TUBGCP3: variants seen among roughly 807,000 people sequenced by gnomAD.
TUBGCP3 encodes the protein tubulin gamma complex component 3, also known as gamma-tubulin complex component 3.
A neutral mutation model predicts 123.1 loss-of-function variants in TUBGCP3; 50 were observed. That is an observed-to-expected ratio of 0.41 (90% CI 0.32 to 0.51). TUBGCP3 has a LOEUF of 0.51. Among genes scored for constraint, TUBGCP3 ranks in the 20% least tolerant of loss-of-function variants. The pLI, the probability that TUBGCP3 is intolerant of heterozygous loss-of-function variation, is 0.36. For missense variants in TUBGCP3, 882 were observed against 1,127.0 expected, an observed-to-expected ratio of 0.78 and a Z score of 3.11; for synonymous variants, 405 against 413.9, an observed-to-expected ratio of 0.98 and a Z score of 0.26.
chr13:112,503,040 T>C (rs148339723), intron 19 of TUBGCP3, among the ~76,000 whole-genome samples: 1 of 152,112 alleles, frequency 6.6e-6, no homozygotes, highest in East Asian at 1.9e-4. Flanking sequence ...AAAATTTAGA[T>C]GAAGTAAAGG....
intron 1 of TUBGCP3, among the ~76,000 whole-genome samples, chr13:112,579,991 C>A (rs926785692): frequency 1.3e-5 from 2 of 152,212 alleles, no homozygotes; most frequent in African/African-American, 4.8e-5. Flanking sequence ...GAACACTACT[C>A]TGCAATGAAA....
At chr13:112,599,124 G>C in the TUBGCP3 span, among the ~76,000 whole-genome samples, 1 of 152,160 alleles carries the variant, frequency 6.6e-6, no homozygotes, top group African/African-American at 2.4e-5. Flanking sequence ...CAGAGGTAAA[G>C]TACAGTTCTG....
At chr13:112,556,736 T>C (rs1880080320) in intron 5 of TUBGCP3, among the ~76,000 whole-genome samples, 2 of 152,328 alleles carry the variant, frequency 1.3e-5, no homozygotes, top group South Asian at 2.1e-4. Flanking sequence ...CAATTTTCAA[T>C]TAACTGCTAA....
chr13:112,586,005 C>T (rs1018730363), intron 1 of TUBGCP3, among the ~76,000 whole-genome samples: 1 of 151,732 alleles, frequency 6.6e-6, no homozygotes, highest in Non-Finnish European at 1.5e-5. Context: ...TTCGGGAGGC[C>T]GAGGCGGGTG....
intron 1 of TUBGCP3, among the ~76,000 whole-genome samples, chr13:112,569,639 C>A (rs1566586442): frequency 1.3e-5 from 2 of 152,172 alleles, no homozygotes; most frequent in Admixed American, 6.5e-5. Context: ...AAGCCAGAAG[C>A]AGGTCACTCA....
chr13:112,527,315 T>C, intron 12 of TUBGCP3, 59 bp downstream of exon 12: 1 of 1,279,296 alleles, frequency 7.8e-7, no homozygotes, highest in Non-Finnish European at 1.1e-6. Context: ...TTTTGTCACA[T>C]AATCTAAGTA....
At chr13:112,561,536 A>T (rs749561284) in intron 3 of TUBGCP3, among the ~76,000 whole-genome samples, 19 of 152,186 alleles carry the variant, frequency 1.2e-4, no homozygotes, top group Admixed American at 3.3e-4. Context: ...AGTCAAGATG[A>T]CACTCAGGTT....
chr13:112,603,481 T>A, the TUBGCP3 span: 1 of 152,216 alleles, frequency 6.6e-6, no homozygotes, highest in Non-Finnish European at 1.5e-5. Context: ...TCCCAGTGCT[T>A]TGGGAGACTG....
upstream of TUBGCP3, among the ~76,000 whole-genome samples, chr13:112,589,642 C>T (rs1040922733): frequency 6.6e-6 from 1 of 152,146 alleles, no homozygotes; most frequent in African/African-American, 2.4e-5. Flanking sequence ...TTCTAGTCAG[C>T]CCACAAAAAA....
At chr13:112,542,406 A>G (rs1878594541) in intron 11 of TUBGCP3, among the ~76,000 whole-genome samples, 1 of 152,220 alleles carries the variant, frequency 6.6e-6, no homozygotes, top group African/African-American at 2.4e-5. Flanking sequence ...TCACTCTATC[A>G]AAGGAAACGC....
intron 3 of TUBGCP3, among the ~76,000 whole-genome samples, chr13:112,561,563 T>A (rs1258409244): frequency 6.6e-6 from 1 of 151,966 alleles, no homozygotes; most frequent in Non-Finnish European, 1.5e-5. Flanking sequence ...GGGGGCAAGA[T>A]CAATGGTGCT....
intron 3 of TUBGCP3, among the ~76,000 whole-genome samples, chr13:112,564,848 A>G (rs1217059944): frequency 6.6e-6 from 1 of 152,242 alleles, no homozygotes; most frequent in Non-Finnish European, 1.5e-5. Context: ...AGTGTAATTA[A>G]GCGACTACAA....
chr13:112,605,547 G>A, the TUBGCP3 span: 3 of 152,182 alleles, frequency 2.0e-5, no homozygotes, highest in Non-Finnish European at 2.9e-5. Context: ...TCCACCATTT[G>A]ACCAGGCAGT....
In TUBGCP3 at chr13:112,556,144, T is replaced by C. The variant is rs771348118; in HGVS notation, c.629A>G (p.Asn210Ser). The change falls in exon 6 of 22, where the codon AAT becomes AGT. Residue 210 changes from asparagine to serine, a missense_variant. Asn to Ser is a conservative substitution (Grantham distance 46, BLOSUM62 1). This residue lies in a region of TUBGCP3 where 713 missense variants were observed against 874.0 expected (regional missense o/e 0.82). Coordinates refer to ENST00000261965, the MANE Select transcript of TUBGCP3 (RefSeq NM_006322.6). ...GGTAGTGGCTTGTGAAGAAGGCTGA[T>C]TTGCAGTTAAAGTCCATGCGAGTCG... ...GSRLAWTLTA[N>S]QPSSQATTSK... 1.9e-6 allele frequency: 3 copies of C among 1,614,100 alleles called. No individual in the cohort carries two copies. The highest frequency in any genetic ancestry group is 1.1e-5 in the South Asian group (1 of 91,060).
rs1336918454 is a variant in TUBGCP3, at chr13:112,519,414, C to T, written c.1882-371G>A. Among the ~76,000 whole-genome samples, 1 of 152,212 alleles carries T rather than the reference C, an allele frequency of 6.6e-6. No individual in the cohort carries two copies. The highest frequency in any genetic ancestry group is 1.5e-5 in the Non-Finnish European group (1 of 68,036). ...CCGTTCTGCTAATGATCTTCCATCA[C>T]AACTAAGTAAATAGTGGGTTTATGT... On this transcript the variant is annotated intron_variant, in intron 15 of 21. Transcript: ENST00000261965. The surrounding 1 kb of genome is among the most constrained non-coding windows in gnomAD (Gnocchi z 6.2).
At chr13:112,505,393 C>T (rs966633771) in intron 17 of TUBGCP3, among the ~76,000 whole-genome samples, 1 of 152,216 alleles carries the variant, frequency 6.6e-6, no homozygotes, top group Admixed American at 6.5e-5. Flanking sequence ...CTTTATAACA[C>T]GGGTCAGCTT....
intron 20 of TUBGCP3, among the ~76,000 whole-genome samples, chr13:112,495,428 A>G (rs1395282137): frequency 6.6e-6 from 1 of 152,200 alleles, no homozygotes; most frequent in Non-Finnish European, 1.5e-5. Flanking sequence ...CCCAAGAATG[A>G]TGTCTTATTA....
rs376009947 is a variant in TUBGCP3 at position 112,519,940 on chromosome 13, G to A, written c.1827C>T (p.Asn609=). Residue 609 remains asparagine (N), a synonymous_variant, in exon 15 of 22, where the codon AAC becomes AAT. Coordinates refer to ENST00000261965, the MANE Select transcript of TUBGCP3 (RefSeq NM_006322.6). This position sits in a 1 kb window ranked among gnomAD's most constrained non-coding sequence, Gnocchi z 6.2. The part of the protein sequence containing the change: ...GILETAVRAT[N]AQFDSPEILR... ...GGATCTCAGGACTGTCAAACTGTGC[G>A]TTGGTGGCTCTGACAGCGGTTTCTA... 2.1e-5 allele frequency: 34 copies of A among 1,613,922 alleles called. No homozygotes were observed. Among genetic ancestry groups the A allele is most frequent in the South Asian group, 8.8e-5 (8 of 91,088 alleles).
upstream of TUBGCP3, among the ~76,000 whole-genome samples, chr13:112,592,743 C>T (rs1882903756): frequency 2.6e-5 from 4 of 152,178 alleles, no homozygotes; most frequent in Admixed American, 6.5e-5. The surrounding 1 kb of genome is among the most constrained non-coding windows in gnomAD (Gnocchi z 4.1). Context: ...AAGGGAGGTG[C>T]CTGGGTTGGG....
Sources: allele counts gnomAD v4.1 joint callset (sites outside exome capture counted in the v4.1 genomes callset), GRCh38; gene constraint gnomAD v4.1.1; regional missense constraint gnomAD v4.1.1; non-coding constraint Gnocchi (gnomAD v3.1); transcripts MANE v1.5; gene names NCBI Gene and HGNC (gene_info 2026-07-23, HGNC 2026-07-21).